The following HBS1L variants were observed in gnomAD, a reference collection of about 807,000 sequenced individuals.
The protein encoded by HBS1L is HBS1 like translational GTPase.
HBS1L carries 55 observed loss-of-function variants against 88.9 expected under a neutral mutation model. The ratio of observed to expected loss-of-function variants is 0.62; its 90% confidence interval spans 0.50 to 0.77. The LOEUF (loss-of-function observed/expected upper bound fraction) is 0.77, where lower values mean the gene tolerates loss of function less well. HBS1L is among the 30% of genes least tolerant of loss of function. The pLI is 0.00. For missense variants in HBS1L, 741 were observed against 829.3 expected (o/e 0.89, Z 1.31); for synonymous variants, 267 against 288.5 (o/e 0.93, Z 0.76).
chr6:135,046,083 C>T (rs1209679288), intron 2 of HBS1L, among the ~76,000 whole-genome samples: 1 of 152,206 alleles, frequency 6.6e-6, no homozygotes, highest in African/African-American at 2.4e-5. Flanking sequence ...CCTCTTTCCT[C>T]CTGCCACTTG....
At chr6:135,015,626 G>T (rs906733666) in intron 4 of HBS1L, among the ~76,000 whole-genome samples, 3 of 152,182 alleles carry the variant, frequency 2.0e-5, no homozygotes, top group Non-Finnish European at 4.4e-5. Flanking sequence ...CTGTTGCCCA[G>T]GCTGGAGTGC....
intron 17 of HBS1L, 70 bp downstream of exon 17, chr6:134,966,259 T>C (rs1774310392): frequency 1.5e-6 from 2 of 1,349,374 alleles, no homozygotes; most frequent in Non-Finnish European, 2.0e-6. Context: ...TTTCTTTTCA[T>C]TCCTAAAAGG....
chr6:135,037,544 G>A (rs978778203), intron 4 of HBS1L: 15 of 1,550,414 alleles, frequency 9.7e-6, no homozygotes, highest in Non-Finnish European at 1.3e-5. Context: ...AAATCAGACA[G>A]TGAATTATTT....
intron 5 of HBS1L, among the ~76,000 whole-genome samples, chr6:135,001,483 CT>C (rs1014382976): frequency 1.4e-4 from 20 of 138,476 alleles, no homozygotes; most frequent in African/African-American, 5.1e-4. Context: ...TATTTCCCCC[CT>C]CTCTCTCTCT....
intron 7 of HBS1L, among the ~76,000 whole-genome samples, chr6:134,994,156 AT>A (rs1775224071): frequency 6.6e-6 from 1 of 152,090 alleles, no homozygotes; most frequent in African/African-American, 2.4e-5. Context: ...AATAGTGTAA[AT>A]TGTGAAGAAG....
rs113542312 is a variant in HBS1L, at chr6:135,029,827, G to A, written c.430+9746C>T. Among the ~76,000 whole-genome samples, 11 of 152,270 alleles carry A rather than the reference G, an allele frequency of 7.2e-5. 1 individual carries two copies. The highest frequency in any genetic ancestry group is 2.4e-4 in the African/African-American group (10 of 41,560). ...GAAAGAATGACATTGATCTGTATAT[G>A]GCAGCAAAGTTCTGCAAAATGCTTT... On this transcript the variant is annotated intron_variant, in intron 4 of 17. Transcript: ENST00000367837.
chr6:135,016,122 G>T (rs372761091), intron 4 of HBS1L, among the ~76,000 whole-genome samples: 1 of 152,020 alleles, frequency 6.6e-6, no homozygotes, highest in Non-Finnish European at 1.5e-5. Context: ...CCAACCTCAG[G>T]TGATCCGCCC....
chr6:135,051,092 G>GGC (rs1583165951), intron 1 of HBS1L, among the ~76,000 whole-genome samples: 2 of 152,194 alleles, frequency 1.3e-5, no homozygotes, highest in African/African-American at 2.4e-5. Flanking sequence ...TAGACATGGT[G>GGC]ACGTGCACCT....
chr6:134,966,928 A>C (rs1774333028), intron 16 of HBS1L, among the ~76,000 whole-genome samples: 1 of 147,410 alleles, frequency 6.8e-6, no homozygotes, highest in African/African-American at 2.7e-5. Context: ...TGGAATGTGT[A>C]TTAGGAAGTT....
At chr6:135,032,314 T>C (rs10872427) in intron 4 of HBS1L, among the ~76,000 whole-genome samples, 71,037 of 151,282 alleles carry the variant, frequency 0.47, 17,104 homozygotes, top group South Asian at 0.56. Flanking sequence ...TTTCTTTCAA[T>C]GTAGCTTTTA....
At chr6:135,016,930 A>G (rs1467257365) in intron 4 of HBS1L, among the ~76,000 whole-genome samples, 1 of 152,182 alleles carries the variant, frequency 6.6e-6, no homozygotes, top group Non-Finnish European at 1.5e-5. Context: ...TTTAAAAAGC[A>G]CTGTCACTAG....
intron 17 of HBS1L, 148 bp from the exon 18 acceptor site, chr6:134,965,438 G>A: frequency 1.6e-6 from 1 of 610,612 alleles, no homozygotes; most frequent in Non-Finnish European, 2.8e-6. Flanking sequence ...TCCTAGTCAT[G>A]CCATTTCTGC....
intron 13 of HBS1L, 36 bp from the exon 14 acceptor site, chr6:134,979,304 C>G: frequency 1.4e-6 from 2 of 1,452,306 alleles, no homozygotes; most frequent in Non-Finnish European, 1.9e-6. Context: ...TACAGTGAAA[C>G]ACCTCGATAT....
chr6:134,997,913 C>T lies in HBS1L; in HGVS notation c.540-257G>A, dbSNP rs930441005. Among the ~76,000 whole-genome samples the T allele has an allele frequency of 2.6e-5, 4 of 152,196 alleles. No individual in the cohort carries two copies. The South Asian group carries it at 8.3e-4, about 32-fold the overall frequency. ...AGAAGAAAATAATGTTGAAAAATAA[C>T]TGAAATTCAAAATCAAGCCCACAGT... On this transcript the variant is annotated intron_variant, in intron 5 of 17. Coordinates refer to ENST00000367837, the MANE Select transcript of HBS1L (RefSeq NM_006620.4).
In HBS1L at chr6:134,982,329, A is replaced by T. The variant is rs1262650141; in HGVS notation, c.1597+129T>A. On this transcript the variant is annotated intron_variant, in intron 13 of 17. Coordinates refer to ENST00000367837, the MANE Select transcript of HBS1L (RefSeq NM_006620.4). ...CACATTTTAATCTTCAACAGTCAGT[A>T]TCATTTTGACAGTCAGTTACAATTT... The T allele has an allele frequency of 1.3e-5, 8 of 616,920 alleles. No individual in the cohort carries two copies. The East Asian group carries it at 2.2e-4, about 17-fold the overall frequency. The allele number at this position is 616,920 out of a possible 1,614,324, so 38.2% of individuals were successfully genotyped here.
chr6:135,029,326 T>C (rs1221046780), intron 4 of HBS1L, among the ~76,000 whole-genome samples: 1 of 143,874 alleles, frequency 7.0e-6, no homozygotes, highest in Non-Finnish European at 1.5e-5. Flanking sequence ...TATGACTAAT[T>C]TCCTTAGTAT....
Position 134,977,376 on chromosome 6 carries a change from A to G in HBS1L, c.1797+1303T>C, listed in dbSNP as rs186414579. ...ACCAACCCCTCCTTTGCCTCATAGG[A>G]CATACTGCTTTCTGTGAATGAGTTC... On this transcript the variant is annotated intron_variant, in intron 15 of 17. Coordinates refer to ENST00000367837, the MANE Select transcript of HBS1L (RefSeq NM_006620.4). 3.7e-3 allele frequency among the ~76,000 whole-genome samples: 557 copies of G among 152,144 alleles called. 3 individuals carry two copies. Among genetic ancestry groups the G allele is most frequent in the Non-Finnish European group, 6.1e-3 (413 of 67,936 alleles).
At chr6:135,048,281 A>T (rs926896270) in intron 2 of HBS1L, among the ~76,000 whole-genome samples, 4 of 152,198 alleles carry the variant, frequency 2.6e-5, no homozygotes, top group African/African-American at 9.7e-5. Context: ...ATCCGTTTTC[A>T]GTTTTTCCAA....
chr6:134,982,201 C>G, intron 13 of HBS1L: 1 of 362,262 alleles, frequency 2.8e-6, no homozygotes, highest in South Asian at 4.3e-5. Context: ...CCTAACCAGG[C>G]TTCTCAGATC....
Sources: allele counts gnomAD v4.1 joint callset (sites outside exome capture counted in the v4.1 genomes callset), GRCh38; gene constraint gnomAD v4.1.1; transcripts MANE v1.5; gene names NCBI Gene and HGNC (gene_info 2026-07-23, HGNC 2026-07-21).